The following SLC24A3 variants were observed in gnomAD, a reference collection of about 807,000 sequenced individuals.
SLC24A3 encodes sodium/potassium/calcium exchanger 3.
SLC24A3 carries 28 observed loss-of-function variants against 75.8 expected under a neutral mutation model. The ratio of observed to expected loss-of-function variants is 0.37; its 90% confidence interval spans 0.27 to 0.51. The LOEUF (loss-of-function observed/expected upper bound fraction) is 0.51. Ranked by LOEUF, SLC24A3 falls within the 20% of genes least tolerant of loss-of-function variation. The pLI is 0.94. For missense variants in SLC24A3, 663 were observed against 847.8 expected (o/e 0.78, Z 2.71); for synonymous variants, 372 against 334.1 (o/e 1.11, Z -1.24).
At chr20:19,572,408 T>C (rs1200010876) in intron 3 of SLC24A3, among the ~76,000 whole-genome samples, 2 of 152,168 alleles carry the variant, frequency 1.3e-5, no homozygotes, top group African/African-American at 4.8e-5. Context: ...CATAATATTC[T>C]GGGCACCTGA....
chr20:19,247,952 G>A (rs1386282117), intron 1 of SLC24A3, among the ~76,000 whole-genome samples: 1 of 152,170 alleles, frequency 6.6e-6, no homozygotes, highest in African/African-American at 2.4e-5. Context: ...TTGTAAATAA[G>A]TGAGATAAGT....
intron 3 of SLC24A3, among the ~76,000 whole-genome samples, chr20:19,556,560 G>T: frequency 7.1e-6 from 1 of 141,104 alleles, no homozygotes; most frequent in African/African-American, 2.7e-5. Context: ...AATTGTCACT[G>T]TAGTGGCCAG....
At chr20:19,637,857 A>T (rs2032019745) in intron 6 of SLC24A3, among the ~76,000 whole-genome samples, 1 of 152,222 alleles carries the variant, frequency 6.6e-6, no homozygotes, top group African/African-American at 2.4e-5. Flanking sequence ...CACAGAGGGG[A>T]AAGCTTCAAA....
intron 2 of SLC24A3, among the ~76,000 whole-genome samples, chr20:19,447,198 G>A (rs1056276836): frequency 3.9e-5 from 6 of 152,148 alleles, no homozygotes; most frequent in African/African-American, 1.4e-4. Context: ...TTACCTAGGA[G>A]GGTGGGTGTA....
At chr20:19,457,353 C>T (rs1987596044) in intron 2 of SLC24A3, among the ~76,000 whole-genome samples, 1 of 152,256 alleles carries the variant, frequency 6.6e-6, no homozygotes, top group Middle Eastern at 3.4e-3. Context: ...TAGGTTGGGT[C>T]ATTTTCAAGG....
intron 6 of SLC24A3, among the ~76,000 whole-genome samples, chr20:19,602,727 C>T (rs2031542890): frequency 1.3e-5 from 2 of 152,206 alleles, no homozygotes; most frequent in Non-Finnish European, 1.5e-5. Context: ...AGTCTCTCAT[C>T]ACGTACATGA....
intron 2 of SLC24A3, among the ~76,000 whole-genome samples, chr20:19,332,537 C>T (rs1374742561): frequency 6.6e-6 from 1 of 152,196 alleles, no homozygotes. Flanking sequence ...ATTACTTTGA[C>T]ACATGCCAAG....
chr20:19,395,537 G>T (rs557285429), intron 2 of SLC24A3, among the ~76,000 whole-genome samples: 2 of 152,286 alleles, frequency 1.3e-5, no homozygotes, highest in African/African-American at 4.8e-5. Flanking sequence ...AGTTCTGTAG[G>T]CATGTAGAGA....
At chr20:19,642,339 A>G (rs996309985) in intron 6 of SLC24A3, among the ~76,000 whole-genome samples, 2 of 152,254 alleles carry the variant, frequency 1.3e-5, no homozygotes, top group African/African-American at 4.8e-5. Flanking sequence ...GGATCTTCTC[A>G]TACGTTTTTG....
rs565793780 is a variant in SLC24A3, at chr20:19,484,174, G to T, written c.272-31314G>T. Among the ~76,000 whole-genome samples the T allele has an allele frequency of 2.0e-5, 3 of 152,204 alleles. No homozygotes were observed. In the East Asian group the frequency reaches 5.8e-4, roughly 29 times the overall value. On this transcript the variant is annotated intron_variant, in intron 2 of 16. Coordinates refer to ENST00000328041, the MANE Select transcript of SLC24A3 (RefSeq NM_020689.4). ...TAGGACCAGAAGTATTTTGAATTTT[G>T]GATTTTTTCAAATTTGGGAATATTT...
intron 2 of SLC24A3, among the ~76,000 whole-genome samples, chr20:19,373,020 A>G (rs1986017519): frequency 6.6e-6 from 1 of 151,882 alleles, no homozygotes; most frequent in African/African-American, 2.4e-5. Context: ...CTTAGTTACC[A>G]AAAGAGAAAT....
chr20:19,250,298 C>T (rs1467546932), intron 1 of SLC24A3, among the ~76,000 whole-genome samples: 2 of 152,206 alleles, frequency 1.3e-5, no homozygotes, highest in African/African-American at 4.8e-5. Context: ...ATCTTGATTG[C>T]TGGGATACAC....
intron 2 of SLC24A3, among the ~76,000 whole-genome samples, chr20:19,417,066 G>A (rs1398345590): frequency 6.6e-6 from 1 of 152,170 alleles, no homozygotes; most frequent in Non-Finnish European, 1.5e-5. Context: ...AAGATAGACT[G>A]GAGAGGCCAC....
At chr20:19,606,241 C>T (rs910369568) in intron 6 of SLC24A3, among the ~76,000 whole-genome samples, 2 of 152,168 alleles carry the variant, frequency 1.3e-5, no homozygotes, top group Non-Finnish European at 2.9e-5. Context: ...GTGTGCATAG[C>T]CTTGTCATGT....
chr20:19,346,063 C>CTATATATA (rs763603062), intron 2 of SLC24A3, among the ~76,000 whole-genome samples: 29 of 21,258 alleles, frequency 1.4e-3, no homozygotes, highest in Non-Finnish European at 2.3e-3. Context: ...ATAAAGAAAA[C>CTATATATA]TATATATATA....
chr20:19,429,747 C>T (rs1419682426), intron 2 of SLC24A3, among the ~76,000 whole-genome samples: 3 of 152,170 alleles, frequency 2.0e-5, no homozygotes, highest in East Asian at 1.9e-4. Flanking sequence ...AATCTGTGCT[C>T]CTAGGGTAGC....
intron 2 of SLC24A3, among the ~76,000 whole-genome samples, chr20:19,330,256 T>G (rs2122291493): frequency 6.6e-6 from 1 of 152,250 alleles, no homozygotes; most frequent in Non-Finnish European, 1.5e-5. Context: ...CTGCTCAGAC[T>G]CCTCAGGGCT....
At chr20:19,651,598 G>A (rs1390127782) in intron 6 of SLC24A3, among the ~76,000 whole-genome samples, 4 of 151,866 alleles carry the variant, frequency 2.6e-5, no homozygotes, top group Admixed American at 6.6e-5. Flanking sequence ...CGTGGCTCAC[G>A]CCTGTAATCC....
intron 3 of SLC24A3, among the ~76,000 whole-genome samples, chr20:19,525,568 A>G (rs1211506710): frequency 6.6e-6 from 1 of 152,136 alleles, no homozygotes; most frequent in African/African-American, 2.4e-5. Context: ...AGGGGCATCT[A>G]TCCACCAGCT....
Sources: gnomAD v4.1 joint callset for allele counts (sites outside exome capture counted in the v4.1 genomes callset) on GRCh38, gnomAD v4.1.1 for gene constraint, MANE v1.5 for transcripts, NCBI Gene and HGNC (gene_info 2026-07-23, HGNC 2026-07-21) for gene names.